PRKG1: variants seen among roughly 807,000 people sequenced by gnomAD.
PRKG1 encodes protein kinase cGMP-dependent 1.
A neutral mutation model predicts 88.1 loss-of-function variants in PRKG1; 35 were observed. The observed-to-expected ratio is 0.40, with a 90% CI of 0.30 to 0.53. The LOEUF (loss-of-function observed/expected upper bound fraction) is 0.53. Ranked by LOEUF, PRKG1 falls within the 20% of genes least tolerant of loss-of-function variation. The pLI is 0.59. For missense variants in PRKG1, 540 were observed against 839.8 expected (o/e 0.64, Z 4.41); for synonymous variants, 303 against 292.5 (o/e 1.04, Z -0.37).
At chr10:51,680,159 A>G (rs1199669817) in intron 3 of PRKG1, among the ~76,000 whole-genome samples, 1 of 152,144 alleles carries the variant, frequency 6.6e-6, no homozygotes, top group Non-Finnish European at 1.5e-5. Flanking sequence ...TCAGCCTTTA[A>G]TTAGCCACGA....
At chr10:51,421,058 G>A (rs919645769) in intron 2 of PRKG1, among the ~76,000 whole-genome samples, 1 of 152,192 alleles carries the variant, frequency 6.6e-6, no homozygotes, top group African/African-American at 2.4e-5. Context: ...TGAGATTTGG[G>A]CAGGGGCAAA....
chr10:51,258,224 C>T (rs1839615270), intron 2 of PRKG1, among the ~76,000 whole-genome samples: 1 of 152,142 alleles, frequency 6.6e-6, no homozygotes, highest in South Asian at 2.1e-4. Flanking sequence ...TCCATCCCTG[C>T]AGGGTAGGTT....
intron 3 of PRKG1, among the ~76,000 whole-genome samples, chr10:51,768,862 A>C (rs16922836): frequency 0.17 from 25,403 of 152,156 alleles, 2,661 homozygotes; most frequent in East Asian, 0.36. Context: ...CAACAAAGAA[A>C]AATTATTAAG....
At chr10:51,159,299 T>A (rs1271877541) in intron 2 of PRKG1, among the ~76,000 whole-genome samples, 1 of 152,154 alleles carries the variant, frequency 6.6e-6, no homozygotes, top group Non-Finnish European at 1.5e-5. Flanking sequence ...CATTTTCATA[T>A]GGATTAGCTC....
At chr10:51,217,311 A>G (rs1838397783) in intron 2 of PRKG1, among the ~76,000 whole-genome samples, 1 of 152,188 alleles carries the variant, frequency 6.6e-6, no homozygotes. Flanking sequence ...TCTTCACAGC[A>G]TCTTAATCCA....
chr10:52,087,132 T>TA (rs1411869004), intron 7 of PRKG1, among the ~76,000 whole-genome samples: 1 of 152,046 alleles, frequency 6.6e-6, no homozygotes, highest in African/African-American at 2.4e-5. Flanking sequence ...TTTCCAATAA[T>TA]AAAAAACAAC....
chr10:51,216,874 A>G (rs1432017569), intron 2 of PRKG1, among the ~76,000 whole-genome samples: 1 of 152,176 alleles, frequency 6.6e-6, no homozygotes, highest in Non-Finnish European at 1.5e-5. Context: ...TCAGGCTACT[A>G]TAATATAAAT....
At chr10:51,824,428 G>C (rs549871349) in intron 4 of PRKG1, among the ~76,000 whole-genome samples, 129 of 152,154 alleles carry the variant, frequency 8.5e-4, no homozygotes, top group Middle Eastern at 3.4e-3. Context: ...CTTTATTTAA[G>C]TTTTTATATT....
chr10:51,995,253 G>A (rs1844409891), intron 5 of PRKG1, among the ~76,000 whole-genome samples: 1 of 152,044 alleles, frequency 6.6e-6, no homozygotes, highest in Non-Finnish European at 1.5e-5. Context: ...AATTTTGTGT[G>A]TGGTAGGTAC....
At chr10:51,661,509 C>T (rs1480533347) in intron 3 of PRKG1, among the ~76,000 whole-genome samples, 1 of 152,090 alleles carries the variant, frequency 6.6e-6, no homozygotes, top group East Asian at 1.9e-4. Flanking sequence ...CAGAGAGATG[C>T]AAATCAAAAC....
intron 4 of PRKG1, among the ~76,000 whole-genome samples, chr10:51,859,621 A>C (rs1298799044): frequency 1.3e-5 from 2 of 151,634 alleles, no homozygotes; most frequent in African/African-American, 4.9e-5. Flanking sequence ...TATTCTTACA[A>C]AAATGCACAT....
At chr10:51,133,929 T>G (rs1008518201) in intron 1 of PRKG1, among the ~76,000 whole-genome samples, 10 of 152,230 alleles carry the variant, frequency 6.6e-5, no homozygotes, top group Non-Finnish European at 1.3e-4. Context: ...CTCTTCCTAA[T>G]TAATTTATTC....
intron 5 of PRKG1, among the ~76,000 whole-genome samples, chr10:51,919,930 G>C (rs1439576048): frequency 6.6e-6 from 1 of 152,140 alleles, no homozygotes; most frequent in East Asian, 1.9e-4. Context: ...AATATTTGTT[G>C]AATCAGAAGT....
chr10:51,062,479 T>G (rs574741888), intron 1 of PRKG1: 1 of 152,330 alleles, frequency 6.6e-6, no homozygotes, highest in South Asian at 2.1e-4. Context: ...CAATGCCTTA[T>G]TTTTATATTT....
chr10:51,530,298 A>G (rs995431827), intron 3 of PRKG1, among the ~76,000 whole-genome samples: 1 of 152,200 alleles, frequency 6.6e-6, no homozygotes, highest in South Asian at 2.1e-4. Context: ...TTTTGTAAGC[A>G]TGTTGTTGAT....
At chr10:51,242,080 G>A (rs1044134557) in intron 2 of PRKG1, among the ~76,000 whole-genome samples, 1 of 152,038 alleles carries the variant, frequency 6.6e-6, no homozygotes, top group African/African-American at 2.4e-5. Context: ...TAGAATAATA[G>A]CATGGATTGT....
chr10:51,689,151 A>C (rs1841070437), intron 3 of PRKG1, among the ~76,000 whole-genome samples: 1 of 152,104 alleles, frequency 6.6e-6, no homozygotes, highest in African/African-American at 2.4e-5. Flanking sequence ...TTTCCTTTGT[A>C]AGTTTCTGAG....
chr10:51,919,698 C>T (rs1444929835), intron 5 of PRKG1, among the ~76,000 whole-genome samples: 1 of 151,834 alleles, frequency 6.6e-6, no homozygotes, highest in Admixed American at 6.6e-5. Flanking sequence ...AAGTGGCTTA[C>T]CCTGACTAAT....
chr10:51,860,292 T>C (rs1343963661), intron 4 of PRKG1, among the ~76,000 whole-genome samples: 1 of 152,210 alleles, frequency 6.6e-6, no homozygotes, highest in African/African-American at 2.4e-5. Flanking sequence ...ATGTGTCAAT[T>C]GTGTTTCTTT....
Sources: gnomAD v4.1 joint callset for allele counts (sites outside exome capture counted in the v4.1 genomes callset) on GRCh38, gnomAD v4.1.1 for gene constraint, MANE v1.5 for transcripts, NCBI Gene and HGNC (gene_info 2026-07-23, HGNC 2026-07-21) for gene names.